The following LYPLAL1 variants were observed in gnomAD, a reference collection of about 807,000 sequenced individuals.
LYPLAL1 encodes lysophospholipase like 1, also known as lysophospholipase-like protein 1.
A neutral mutation model predicts 19.7 loss-of-function variants in LYPLAL1; 23 were observed. That is an observed-to-expected ratio of 1.17 (90% CI 0.84 to 1.65). LYPLAL1 has a LOEUF of 1.65. LYPLAL1 is among the 40% of genes most tolerant of loss of function. The pLI, the probability that LYPLAL1 is intolerant of heterozygous loss-of-function variation, is 0.00. For missense variants in LYPLAL1, 355 were observed against 279.4 expected, an observed-to-expected ratio of 1.27 and a Z score of -1.93; for synonymous variants, 119 against 96.3, an observed-to-expected ratio of 1.24 and a Z score of -1.38.
At chr1:219,282,458 CAT>C in the LYPLAL1 span, among the ~76,000 whole-genome samples, 4 of 147,720 alleles carry the variant, frequency 2.7e-5, no homozygotes, top group South Asian at 2.2e-4. Context: ...GACTGAAAGA[CAT>C]GTGTCTTCCC....
At chr1:219,430,330 T>C in the LYPLAL1 span, among the ~76,000 whole-genome samples, 1 of 150,392 alleles carries the variant, frequency 6.6e-6, no homozygotes, top group East Asian at 2.0e-4. Flanking sequence ...ATAACCCAGG[T>C]TCCAGATTCA....
the LYPLAL1 span, among the ~76,000 whole-genome samples, chr1:219,417,097 T>G: frequency 6.6e-6 from 1 of 152,340 alleles, no homozygotes; most frequent in African/African-American, 2.4e-5. Flanking sequence ...TTTTTCCCCC[T>G]TTCCAAACTA....
the LYPLAL1 span, among the ~76,000 whole-genome samples, chr1:219,246,444 A>G: frequency 6.6e-6 from 1 of 152,188 alleles, no homozygotes; most frequent in East Asian, 1.9e-4. Flanking sequence ...GTATCTGAAC[A>G]TGAGAGGAGA....
the LYPLAL1 span, among the ~76,000 whole-genome samples, chr1:219,372,479 G>C: frequency 2.0e-4 from 30 of 151,992 alleles, no homozygotes; most frequent in South Asian, 5.4e-3. Context: ...CCCCTTTTTT[G>C]ACCTTCAGTA....
chr1:219,419,766 C>T, the LYPLAL1 span, among the ~76,000 whole-genome samples: 5 of 152,178 alleles, frequency 3.3e-5, no homozygotes, highest in East Asian at 7.7e-4. Context: ...CACAGGTGTC[C>T]CAGGACATCA....
At chr1:219,251,253 T>C in the LYPLAL1 span, among the ~76,000 whole-genome samples, 122 of 152,142 alleles carry the variant, frequency 8.0e-4, no homozygotes, top group African/African-American at 2.8e-3. Flanking sequence ...GGTTTGTTTT[T>C]CTGTTTGTTT....
At chr1:219,311,440 G>A in the LYPLAL1 span, among the ~76,000 whole-genome samples, 1 of 151,788 alleles carries the variant, frequency 6.6e-6, no homozygotes, top group Non-Finnish European at 1.5e-5. Context: ...TTCTTGGTAG[G>A]AACAATATCA....
chr1:219,392,537 G>A, the LYPLAL1 span, among the ~76,000 whole-genome samples: 318 of 152,212 alleles, frequency 2.1e-3, 4 homozygotes, highest in African/African-American at 7.2e-3. Flanking sequence ...TGTCGTATGC[G>A]TACTTGGAAG....
chr1:219,367,503 T>C, the LYPLAL1 span, among the ~76,000 whole-genome samples: 2 of 152,150 alleles, frequency 1.3e-5, no homozygotes, highest in Non-Finnish European at 2.9e-5. Context: ...TAACCCCTTT[T>C]TCCATTTAGA....
chr1:219,428,212 A>G, the LYPLAL1 span, among the ~76,000 whole-genome samples: 1 of 152,168 alleles, frequency 6.6e-6, no homozygotes, highest in Non-Finnish European at 1.5e-5. Context: ...TGTGTTCCTG[A>G]TCTACTTACA....
At chr1:219,435,977 A>G in the LYPLAL1 span, among the ~76,000 whole-genome samples, 1 of 152,222 alleles carries the variant, frequency 6.6e-6, no homozygotes, top group Non-Finnish European at 1.5e-5. Context: ...GAAGAGAACT[A>G]GCCCCAATCC....
chr1:219,321,699 A>G, the LYPLAL1 span, among the ~76,000 whole-genome samples: 1 of 152,162 alleles, frequency 6.6e-6, no homozygotes, highest in African/African-American at 2.4e-5. Flanking sequence ...GGAGGTAGTG[A>G]TAGCATAAAC....
chr1:219,407,035 G>T, the LYPLAL1 span, among the ~76,000 whole-genome samples: 1 of 152,170 alleles, frequency 6.6e-6, no homozygotes, highest in Admixed American at 6.5e-5. Flanking sequence ...TAATGATGTT[G>T]TTTCACATTG....
the LYPLAL1 span, among the ~76,000 whole-genome samples, chr1:219,303,024 A>C: frequency 8.5e-5 from 13 of 152,308 alleles, no homozygotes; most frequent in Non-Finnish European, 1.8e-4. Context: ...CTCACCAAAA[A>C]TAGGTCTATT....
the LYPLAL1 span, among the ~76,000 whole-genome samples, chr1:219,423,452 GAA>G: frequency 6.6e-6 from 1 of 152,144 alleles, no homozygotes. Context: ...GCAGTAGATT[GAA>G]CACAGGCAAA....
the LYPLAL1 span, among the ~76,000 whole-genome samples, chr1:219,422,324 T>C: frequency 6.6e-6 from 1 of 152,322 alleles, no homozygotes; most frequent in East Asian, 1.9e-4. Flanking sequence ...GATTTGGCTT[T>C]TGGGTCATAA....
the LYPLAL1 span, among the ~76,000 whole-genome samples, chr1:219,293,118 G>A: frequency 1.3e-5 from 2 of 152,142 alleles, no homozygotes; most frequent in African/African-American, 4.8e-5. Context: ...ATCAGTCTCC[G>A]AGTTTACATC....
chr1:219,327,512 C>A, the LYPLAL1 span, among the ~76,000 whole-genome samples: 2 of 151,958 alleles, frequency 1.3e-5, no homozygotes, highest in African/African-American at 2.4e-5. Context: ...TGGAGGGGAA[C>A]GAGAGGTAGT....
the LYPLAL1 span, among the ~76,000 whole-genome samples, chr1:219,347,271 CT>C: frequency 6.7e-6 from 1 of 149,586 alleles, no homozygotes; most frequent in Non-Finnish European, 1.5e-5. Flanking sequence ...TTTTCTTTTT[CT>C]TTTCCTTTTT....
Sources: allele counts gnomAD v4.1 joint callset (sites outside exome capture counted in the v4.1 genomes callset), GRCh38; gene constraint gnomAD v4.1.1; transcripts MANE v1.5; gene names NCBI Gene and HGNC (gene_info 2026-07-23, HGNC 2026-07-21).